The following MATR3 variants were observed in gnomAD, a reference collection of about 807,000 sequenced individuals.
MATR3 encodes the protein matrin-3.
Under a neutral mutation model 85.5 loss-of-function variants are expected in MATR3, and 4 were observed. That is an observed-to-expected ratio of 0.05 (90% CI 0.02 to 0.11). The LOEUF (loss-of-function observed/expected upper bound fraction) is 0.11, where lower values mean the gene tolerates loss of function less well. MATR3 is among the 10% of genes least tolerant of loss of function. The pLI is 1.00. For synonymous variants in MATR3, 336 were observed against 343.1 expected, an observed-to-expected ratio of 0.98 and a Z score of 0.23; for missense variants, 685 against 1,016.1, an observed-to-expected ratio of 0.67 and a Z score of 4.43.
chr5:139,329,491 A>C lies in MATR3; in HGVS notation c.*96A>C. 3 of 1,011,232 alleles carry C rather than the reference A, an allele frequency of 3.0e-6. No individual in the cohort carries two copies. Among genetic ancestry groups the C allele is most frequent in the Non-Finnish European group, 4.6e-6 (3 of 649,660 alleles). The allele number at this position is 1,011,232 out of a possible 1,614,324, so 62.6% of individuals were successfully genotyped here. On this transcript the variant is annotated 3_prime_UTR_variant, in exon 15 of 15. Transcript: ENST00000394805. ...ATACAATACTGATAGTTAGAAGAAA[A>C]CTATTGTACTCTTTTGTTTTAGTGG...
In MATR3 at chr5:139,307,447, G is replaced by A; in HGVS notation, c.32G>A (p.Ser11Asn). The change falls in exon 2 of 15, where the codon AGT (serine) becomes AAT (asparagine). Residue 11 changes from serine to asparagine, a missense_variant. Physicochemically the swap from Ser to Asn is conservative, Grantham distance 46. Coordinates refer to ENST00000394805, the MANE Select transcript of MATR3 (RefSeq NM_018834.6). This position sits in a 1 kb window ranked among gnomAD's most constrained non-coding sequence, Gnocchi z 4.4. The stretch of plus-strand genomic sequence containing the variant: ...AAGTCATTCCAGCAGTCATCTCTCA[G>A]TAGGGACTCACAGGGTCATGGGCGT... MSKSFQQSSLSRDSQGHGRDL... is the reference protein window; with the variant it reads MSKSFQQSSLNRDSQGHGRDL... 1.2e-6 allele frequency: 2 copies of A among 1,614,002 alleles called. No individual in the cohort carries two copies. The highest frequency in any genetic ancestry group is 1.7e-6 in the Non-Finnish European group (2 of 1,179,984).
At chr5:139,326,350 ATAAG>A in intron 14 of MATR3, 66 bp downstream of exon 14, 1 of 1,497,576 alleles carries the variant, frequency 6.7e-7, no homozygotes, top group Middle Eastern at 1.7e-4. Flanking sequence ...AGTGGGGTAT[ATAAG>A]TAAAATGTGT....
rs557995196 is a variant in MATR3 at position 139,288,057 on chromosome 5, CA to C, written c.-178+8937del. 4.6e-5 allele frequency among the ~76,000 whole-genome samples: 7 copies of C among 150,700 alleles called. No individual in the cohort carries two copies. In the East Asian group the frequency reaches 9.7e-4, roughly 21 times the overall value. On this transcript the variant is annotated intron_variant, in intron 3 of 16. Transcript: ENST00000509990. ...GAAACCCCGTCTCTACAAAAAATAC[CA>C]AAAAAAAATTAGCTGGGTTTGGCGG... is the stretch of plus-strand genomic sequence containing the variant.
intron 3 of MATR3, 143 bp from the exon 4 acceptor site, chr5:139,315,554 G>A (rs568836704): frequency 3.4e-6 from 2 of 589,442 alleles, no homozygotes; most frequent in East Asian, 2.9e-5. Flanking sequence ...AATATCTATT[G>A]GAAATGCTTT....
upstream of MATR3, among the ~76,000 whole-genome samples, chr5:139,292,336 T>C (rs751745789): frequency 1.3e-5 from 2 of 152,148 alleles, no homozygotes; most frequent in Non-Finnish European, 2.9e-5. Flanking sequence ...TCAAGGTTAT[T>C]GTAGGGTTAT....
intron 1 of MATR3, among the ~76,000 whole-genome samples, chr5:139,295,653 C>T (rs1754109847): frequency 6.6e-6 from 1 of 152,116 alleles, no homozygotes; most frequent in Admixed American, 6.5e-5. Flanking sequence ...GCTAATATTA[C>T]AAGTCAGTTA....
rs1276759606 is a variant in MATR3, at chr5:139,281,344, G to GT, written c.-178+2226dup. Among the ~76,000 whole-genome samples the GT allele has an allele frequency of 6.2e-3, 744 of 120,044 alleles. 3 individuals carry two copies. Among genetic ancestry groups the GT allele is most frequent in the Middle Eastern group, 0.017 (3 of 180 alleles). 78.8% of individuals were successfully genotyped at this position (120,044 alleles called of 152,430 possible). ...TGTCACTCTGCCTGGCCTCGAAGTA[G>GT]TTTTTTTTTTTGTTTTTTTTTTTTT... On this transcript the variant is annotated intron_variant, in intron 3 of 16. Transcript: ENST00000509990.
intron 3 of MATR3, among the ~76,000 whole-genome samples, chr5:139,281,593 T>C (rs937017022): frequency 6.6e-6 from 1 of 151,778 alleles, no homozygotes; most frequent in Admixed American, 6.6e-5. Flanking sequence ...CCTCAGGTGA[T>C]CCACCCGCCT....
chr5:139,275,906 A>G (rs1334969586), intron 1 of MATR3, among the ~76,000 whole-genome samples: 1 of 152,206 alleles, frequency 6.6e-6, no homozygotes, highest in African/African-American at 2.4e-5. Flanking sequence ...AGGCTCCCTG[A>G]TATTTGTTTA....
Position 139,331,152 on chromosome 5 carries a change from T to C in MATR3, c.*1757T>C, listed in dbSNP as rs191196444. 5.8e-4 allele frequency: 264 copies of C among 454,128 alleles called. No individual in the cohort carries two copies. Among genetic ancestry groups the C allele is most frequent in the Non-Finnish European group, 1.0e-3 (233 of 226,790 alleles). 28.1% of individuals were successfully genotyped at this position (454,128 alleles called of 1,614,324 possible). On this transcript the variant is annotated 3_prime_UTR_variant, in exon 15 of 15. Coordinates refer to ENST00000394805, the MANE Select transcript of MATR3 (RefSeq NM_018834.6). Reference sequence around the variant, plus strand: ...AACAGGATAGGCATTGTCTTTCAAATGTTCAGACCCCAGTTTATTAAAGGA... The same window carrying C: ...AACAGGATAGGCATTGTCTTTCAAACGTTCAGACCCCAGTTTATTAAAGGA...
intron 3 of MATR3, chr5:139,315,328 T>G (rs1755188555): frequency 4.2e-6 from 1 of 239,526 alleles, no homozygotes; most frequent in South Asian, 5.4e-5. Context: ...ATGTCACAAC[T>G]CAACTGTGCT....
At chr5:139,277,993 G>T (rs1753356625) in intron 2 of MATR3, among the ~76,000 whole-genome samples, 1 of 152,048 alleles carries the variant, frequency 6.6e-6, no homozygotes. Flanking sequence ...ACTTTGGGAG[G>T]CTGAGGTGGG....
intron 1 of MATR3, among the ~76,000 whole-genome samples, chr5:139,305,917 GC>G (rs1382598502): frequency 6.6e-6 from 1 of 151,866 alleles, no homozygotes; most frequent in Non-Finnish European, 1.5e-5. Flanking sequence ...TTGTATCCTT[GC>G]TTTAATCTAT....
intron 2 of MATR3, among the ~76,000 whole-genome samples, chr5:139,277,582 T>C (rs1240250276): frequency 6.6e-6 from 1 of 152,180 alleles, no homozygotes; most frequent in Middle Eastern, 3.4e-3. Context: ...TTTATAGTAC[T>C]ATAGGCAGGG....
intron 9 of MATR3, among the ~76,000 whole-genome samples, chr5:139,319,783 G>T (rs957467269): frequency 1.3e-5 from 2 of 148,500 alleles, no homozygotes; most frequent in African/African-American, 5.0e-5. Context: ...GGCGGAGGTT[G>T]CAGTGAGCTG....
In MATR3 at chr5:139,307,509, G is replaced by T. The variant is rs780567202; in HGVS notation, c.94G>T (p.Ala32Ser). ...GGCAGGAATAGGCCTTCTTGCTGCT[G>T]CTACCCAGTCTTTAAGTATGCCAGC... is the stretch of plus-strand genomic sequence containing the variant. ...SAAGIGLLAAATQSLSMPASL... is the reference protein window; with the variant it reads ...SAAGIGLLAASTQSLSMPASL... The change falls in exon 2 of 15, where the codon GCT becomes TCT. Residue 32 changes from alanine to serine, a missense_variant. Physicochemically the swap from Ala to Ser is moderately conservative, Grantham distance 99. Coordinates refer to ENST00000394805, the MANE Select transcript of MATR3 (RefSeq NM_018834.6). The surrounding 1 kb of genome is among the most constrained non-coding windows in gnomAD (Gnocchi z 4.4). 1 of 1,614,088 alleles carries T rather than the reference G, an allele frequency of 6.2e-7. No homozygotes were observed. The highest frequency in any genetic ancestry group is 8.5e-7 in the Non-Finnish European group (1 of 1,180,008).
intron 1 of MATR3, chr5:139,276,073 C>T (rs1753266310): frequency 4.4e-6 from 2 of 456,618 alleles, no homozygotes; most frequent in Admixed American, 2.3e-5. Flanking sequence ...CTCTGAGCTG[C>T]ACACGTGTTC....
At chr5:139,311,324 G>C (rs371597748) in intron 2 of MATR3, 12 of 152,082 alleles carry the variant, frequency 7.9e-5, no homozygotes, top group African/African-American at 1.9e-4. Flanking sequence ...AATTTAAAAA[G>C]TGCACGAATC....
chr5:139,294,475 G>T (rs768565244), intron 1 of MATR3: 78 of 149,524 alleles, frequency 5.2e-4, no homozygotes, highest in Non-Finnish European at 1.1e-3. Context: ...CGGCCCACAC[G>T]CGCGCGCGCG....
Sources: gnomAD v4.1 joint callset for allele counts (sites outside exome capture counted in the v4.1 genomes callset) on GRCh38, gnomAD v4.1.1 for gene constraint, Gnocchi (gnomAD v3.1) non-coding constraint, MANE v1.5 for transcripts, NCBI Gene and HGNC (gene_info 2026-07-23, HGNC 2026-07-21) for gene names.